The following ATG9B variants were observed in gnomAD, a reference collection of about 807,000 sequenced individuals.
The protein encoded by ATG9B is autophagy related 9B.
ATG9B carries 92 observed loss-of-function variants against 92.9 expected under a neutral mutation model. That is an observed-to-expected ratio of 0.99 (90% CI 0.84 to 1.18). ATG9B has a LOEUF of 1.18. Ranked by LOEUF, ATG9B falls within the 50% of genes most tolerant of loss-of-function variation. The probability of loss-of-function intolerance (pLI) is 0.00; values close to 1 mark genes in which losing one functional copy is unlikely to be tolerated. For synonymous variants in ATG9B, 599 were observed against 551.4 expected, an observed-to-expected ratio of 1.09 and a Z score of -1.21; for missense variants, 1,344 against 1,235.0, an observed-to-expected ratio of 1.09 and a Z score of -1.32.
chr7:151,017,170 G>T lies in ATG9B; in HGVS notation c.2155C>A (p.Arg719Ser). The change falls in exon 9 of 14, where the codon CGC becomes AGC. Residue 719 changes from arginine (R) to serine (S), a missense_variant. Coordinates refer to ENST00000639579, the MANE Select transcript of ATG9B (RefSeq NM_001317056.2). ...AACTTAGAGCTGTGCCCTGGGGGGC[G>T]CCAGAGTGGATGCGCCAGGGAGAAC... ...MRFSLAHPLWRPPGHSSKFLG... is the reference protein window; with the variant it reads ...MRFSLAHPLWSPPGHSSKFLG... The T allele has an allele frequency of 1.2e-6, 2 of 1,613,112 alleles. No individual in the cohort carries two copies. The highest frequency in any genetic ancestry group is 1.7e-6 in the Non-Finnish European group (2 of 1,179,782).
chr7:151,013,486 G>T, downstream of ATG9B: 2 of 1,401,762 alleles, frequency 1.4e-6, no homozygotes, highest in South Asian at 2.7e-5. Flanking sequence ...GGCCTCCCAC[G>T]ACCACTCAGC....
chr7:151,016,770 C>T lies in ATG9B; in HGVS notation c.2341G>A (p.Asp781Asn), dbSNP rs1224704008. The change falls in exon 10 of 14, where the codon GAT becomes AAT. Residue 781 changes from aspartate (D) to asparagine (N), a missense_variant. Coordinates refer to ENST00000639579, the MANE Select transcript of ATG9B (RefSeq NM_001317056.2). ...GGACAGGGGGCTGTCGGGCTCAGAT[C>T]TCTCGGAGGCAGGAGAGGGTGCACG... The part of the protein sequence containing the change: ...LFVHPLLPPR[D>N]LSPTAPCPAA... 3 of 1,612,754 alleles carry T rather than the reference C, an allele frequency of 1.9e-6. No homozygotes were observed. Among genetic ancestry groups the T allele is most frequent in the Admixed American group, 3.3e-5 (2 of 59,814 alleles).
chr7:151,016,368 C>G lies in ATG9B; in HGVS notation c.2520+63G>C, dbSNP rs3918220. On this transcript the variant is annotated intron_variant, in intron 11 of 13. Transcript: ENST00000639579. ...CCCTTCCGTAGACTCCACCCCACCT[C>G]AGTCTCCATGTTGTTCACCTGCCTT... 5,073 of 1,525,344 alleles carry G rather than the reference C, an allele frequency of 3.3e-3. 153 individuals are homozygous for G. The African/African-American group carries it at 0.061, about 18-fold the overall frequency. 94.5% of individuals were successfully genotyped at this position (1,525,344 alleles called of 1,614,324 possible).
intron 4 of ATG9B, among the ~76,000 whole-genome samples, chr7:151,022,475 G>T (rs148902132): frequency 1.3e-5 from 2 of 150,082 alleles, no homozygotes; most frequent in Admixed American, 1.4e-4. Context: ...GGATAGATAC[G>T]ACTCCCATAA....
At position 151,015,186 on chromosome 7, in the gene ATG9B, A is replaced by G. The variant is rs1187584116; in HGVS notation, c.*542T>C. 6.6e-6 allele frequency: 1 copy of G among 152,200 alleles called. No homozygotes were observed. The highest frequency in any genetic ancestry group is 1.5e-5 in the Non-Finnish European group (1 of 68,048). 9.4% of individuals were successfully genotyped at this position (152,200 alleles called of 1,614,324 possible). ...ATGAGCAAGCTTTACTGCTTATTTC[A>G]TACAGGATGGGGAGCCACACCCACT... is the stretch of plus-strand genomic sequence containing the variant. On this transcript the variant is annotated 3_prime_UTR_variant, in exon 14 of 14. Coordinates refer to ENST00000639579, the MANE Select transcript of ATG9B (RefSeq NM_001317056.2).
chr7:151,018,431 C>G lies in ATG9B; in HGVS notation c.1735G>C (p.Glu579Gln), dbSNP rs1795601615. The G allele has an allele frequency of 6.5e-7, 1 of 1,529,532 alleles. No homozygotes were observed. The highest frequency in any genetic ancestry group is 8.8e-7 in the Non-Finnish European group (1 of 1,139,240). 94.7% of individuals were successfully genotyped at this position (1,529,532 alleles called of 1,614,324 possible). A position where few individuals can be genotyped will look rare whatever the true frequency, so the allele number is the denominator to read the frequency against. The stretch of plus-strand genomic sequence containing the variant: ...TGCGGCGCACGACCCTGGCACTGCT[C>G]TTCCGGAATGAAAGACCTGAAAGGC... ...ATVARSFIPE[E>Q]QCQGRAPQLL... The change falls in exon 7 of 14, where the codon GAG becomes CAG. Residue 579 changes from glutamate to glutamine, a missense_variant. Physicochemically the swap from Glu to Gln is conservative, Grantham distance 29. Coordinates refer to ENST00000639579, the MANE Select transcript of ATG9B (RefSeq NM_001317056.2). The surrounding 1 kb of genome is among the most constrained non-coding windows in gnomAD (Gnocchi z 4.7).
At position 151,018,629 on chromosome 7, in the gene ATG9B, G is replaced by A. The variant is rs1442292687; in HGVS notation, c.1709C>T (p.Thr570Ile). The change falls in exon 6 of 14, where the codon ACC becomes ATC. Residue 570 changes from threonine to isoleucine, a missense_variant. By Grantham distance (89) the Thr-to-Ile change is moderately conservative. Coordinates refer to ENST00000639579, the MANE Select transcript of ATG9B (RefSeq NM_001317056.2). This position sits in a 1 kb window ranked among gnomAD's most constrained non-coding sequence, Gnocchi z 4.7. ...TAMTALGVTA[T>I]VARSFIPEEQ... ...GCATCTGCCGTCGCACCTGGCGACG[G>A]TGGCGGTGACCCCGAGCGCGGTCAT... 3 of 1,604,648 alleles carry A rather than the reference G, an allele frequency of 1.9e-6. No individual in the cohort carries two copies. Among genetic ancestry groups the A allele is most frequent in the Non-Finnish European group, 2.5e-6 (3 of 1,178,466 alleles).
rs1375285253 is a variant in ATG9B at position 151,015,573 on chromosome 7, C to A, written c.*155G>T. Reference sequence around the variant, plus strand: ...TCTCCTTGCCTACCTTTTCTCTGTTCTCGGGGCGAGTTCCTCACTGACTCC... The same window carrying A: ...TCTCCTTGCCTACCTTTTCTCTGTTATCGGGGCGAGTTCCTCACTGACTCC... On this transcript the variant is annotated 3_prime_UTR_variant, in exon 14 of 14. Transcript: ENST00000639579. 7.8e-6 allele frequency: 2 copies of A among 255,466 alleles called. No homozygotes were observed. The highest frequency in any genetic ancestry group is 1.5e-5 in the Non-Finnish European group (2 of 135,210). The allele number at this position is 255,466 out of a possible 1,614,324, so 15.8% of individuals were successfully genotyped here.
At chr7:151,013,505 CACACTCTGGCCCACCCTTGT>C, downstream of ATG9B, 1 of 1,274,434 alleles carries the variant, frequency 7.8e-7, no homozygotes, top group South Asian at 1.5e-5. Flanking sequence ...GCCACCCCTG[CACACTCTGGCCCACCCTTGT>C]GCCCCGGCCC....
downstream of ATG9B, chr7:151,013,640 C>G (rs1381135493): frequency 7.7e-7 from 1 of 1,297,692 alleles, no homozygotes; most frequent in East Asian, 2.7e-5. Context: ...CGGAGACTTT[C>G]ACGTCCAGGG....
intron 9 of ATG9B, 43 bp downstream of exon 9, chr7:151,016,993 T>G (rs1795519545): frequency 1.3e-6 from 2 of 1,541,110 alleles, no homozygotes; most frequent in African/African-American, 2.8e-5. Context: ...GGAGAGGAGT[T>G]GTGGGGGTGA....
Position 151,021,264 on chromosome 7 carries a change from A to C in ATG9B, c.887T>G (p.Leu296Arg), listed in dbSNP as rs1194031389. The C allele has an allele frequency of 6.2e-7, 1 of 1,613,290 alleles. No homozygotes were observed. The highest frequency in any genetic ancestry group is 8.5e-7 in the Non-Finnish European group (1 of 1,179,870). Residue 296 changes from leucine (L) to arginine (R), a missense_variant, in exon 5 of 14, where the codon CTG becomes CGG. Physicochemically the swap from Leu to Arg is moderately radical, Grantham distance 102. Coordinates refer to ENST00000639579, the MANE Select transcript of ATG9B (RefSeq NM_001317056.2). The stretch of plus-strand genomic sequence containing the variant: ...GAAGAGGTTGCAGACTGAGCGAAGC[A>C]GTTGGACCAGCCAGAAGCCGGCAGC... ...VLAAGFWLVQ[L>R]LRSVCNLFSY...
In ATG9B at chr7:151,021,292, G is replaced by T. The variant is rs932152977; in HGVS notation, c.859C>A (p.Leu287Met). The T allele has an allele frequency of 6.2e-6, 10 of 1,613,354 alleles. No homozygotes were observed. The highest frequency in any genetic ancestry group is 7.6e-6 in the Non-Finnish European group (9 of 1,179,664). The change falls in exon 5 of 14, where the codon CTG becomes ATG. Residue 287 changes from leucine to methionine, a missense_variant. Coordinates refer to ENST00000639579, the MANE Select transcript of ATG9B (RefSeq NM_001317056.2). ...SSPLLVLLLV[L>M]AAGFWLVQLL... ...TGGACCAGCCAGAAGCCGGCAGCCAGGACCAGGAGGAGGACCAGCAGCGGG... is the reference window on the plus strand; with the variant it reads ...TGGACCAGCCAGAAGCCGGCAGCCATGACCAGGAGGAGGACCAGCAGCGGG...
downstream of ATG9B, chr7:151,014,282 TC>T: frequency 9.2e-7 from 1 of 1,091,750 alleles, no homozygotes; most frequent in Non-Finnish European, 1.3e-6. Context: ...CTCACATCTG[TC>T]CAGAGGCTGC....
chr7:151,019,750 G>C (rs1303241410), intron 5 of ATG9B: 2 of 196,278 alleles, frequency 1.0e-5, no homozygotes, highest in African/African-American at 4.6e-5. Context: ...GGCCAGGGGC[G>C]GTGGCTCACA....
chr7:151,021,438 G>A, intron 4 of ATG9B, 109 bp from the exon 5 acceptor site: 1 of 1,413,804 alleles, frequency 7.1e-7, no homozygotes, highest in Non-Finnish European at 9.3e-7. Flanking sequence ...GATCTAGCTA[G>A]ACCAGCAGCT....
At chr7:151,019,997 C>G (rs1414925885) in intron 5 of ATG9B, 1 of 152,182 alleles carries the variant, frequency 6.6e-6, no homozygotes, top group African/African-American at 2.4e-5. Flanking sequence ...TCAAAAGAAA[C>G]AAAACAAACA....
In ATG9B at chr7:151,021,269, G is replaced by C; in HGVS notation, c.882C>G (p.Val294=). ...LLVLAAGFWL[V]QLLRSVCNLF... Reference sequence around the variant, plus strand: ...GGTTGCAGACTGAGCGAAGCAGTTGGACCAGCCAGAAGCCGGCAGCCAGGA... The same window carrying C: ...GGTTGCAGACTGAGCGAAGCAGTTGCACCAGCCAGAAGCCGGCAGCCAGGA... Residue 294 remains valine, a synonymous_variant, in exon 5 of 14, where the codon GTC becomes GTG. Transcript: ENST00000639579. 6.2e-7 allele frequency: 1 copy of C among 1,613,342 alleles called. No homozygotes were observed. The highest frequency in any genetic ancestry group is 8.5e-7 in the Non-Finnish European group (1 of 1,179,810).
Position 151,016,200 on chromosome 7 carries a change from A to G in ATG9B, c.2556T>C (p.Gly852=), listed in dbSNP as rs1171114929. 1.8e-5 allele frequency: 27 copies of G among 1,512,430 alleles called. No individual in the cohort carries two copies. The highest frequency in any genetic ancestry group is 6.5e-5 in the Admixed American group (3 of 46,452). The allele number at this position is 1,512,430 out of a possible 1,614,324, so 93.7% of individuals were successfully genotyped here. ...TGGACAGGATGGAGGCTGCAGCCTC[A>G]CCCCACGGCTCCTGCTGCTGCTGCT... is the stretch of plus-strand genomic sequence containing the variant. The part of the protein sequence containing the change: ...HQQQQQQEPW[G]EAAASILSRP... The change falls in exon 12 of 14, where the codon GGT becomes GGC. Residue 852 remains glycine (G), a synonymous_variant. Transcript: ENST00000639579.
Sources: allele counts gnomAD v4.1 joint callset (sites outside exome capture counted in the v4.1 genomes callset), GRCh38; gene constraint gnomAD v4.1.1; non-coding constraint Gnocchi (gnomAD v3.1); transcripts MANE v1.5; gene names NCBI Gene and HGNC (gene_info 2026-07-23, HGNC 2026-07-21).